The following AKAP8L variants were observed in gnomAD, a reference collection of about 807,000 sequenced individuals.
AKAP8L encodes the protein A-kinase anchor protein 8-like.
AKAP8L carries 34 observed loss-of-function variants against 77.5 expected under a neutral mutation model. That is an observed-to-expected ratio of 0.44 (90% CI 0.33 to 0.58). The LOEUF (loss-of-function observed/expected upper bound fraction) is 0.58. AKAP8L is among the 20% of genes least tolerant of loss of function. The pLI is 0.02. For missense variants in AKAP8L, 806 were observed against 887.6 expected (o/e 0.91, Z 1.17); for synonymous variants, 342 against 340.7 (o/e 1.00, Z -0.04).
intron 2 of AKAP8L, among the ~76,000 whole-genome samples, chr19:15,408,423 C>G (rs1049564656): frequency 2.0e-5 from 3 of 151,960 alleles, no homozygotes; most frequent in Admixed American, 2.0e-4. Flanking sequence ...ATTAGCCAGG[C>G]GTGGTGGCAC....
Position 15,389,758 on chromosome 19 carries a change from A to C in AKAP8L, c.1536+7392T>G, listed in dbSNP as rs574165560. Among the ~76,000 whole-genome samples, 79 of 152,324 alleles carry C rather than the reference A, an allele frequency of 5.2e-4. 2 individuals carry two copies. In the South Asian group the frequency reaches 0.016, roughly 30 times the overall value. On this transcript the variant is annotated intron_variant, in intron 12 of 13. Coordinates refer to ENST00000397410, the MANE Select transcript of AKAP8L (RefSeq NM_014371.4). The stretch of plus-strand genomic sequence containing the variant: ...TGCACTCCAGCCTGGCCACAGACCA[A>C]GACTCCGTCTCAAGAAACAAAAAAC...
chr19:15,401,291 G>C lies in AKAP8L; in HGVS notation c.675C>G (p.Asn225Lys), dbSNP rs746111947. The C allele has an allele frequency of 6.2e-7, 1 of 1,613,732 alleles. No individual in the cohort carries two copies. Among genetic ancestry groups the C allele is most frequent in the Non-Finnish European group, 8.5e-7 (1 of 1,179,898 alleles). ...GGAACATGCCGTACTCGGGGATGAT[G>C]TTCTGGGAGAAGAGGGAGGGCAGCC... ...ASRLPSLFSQNIIPEYGMFQG... is the reference protein window; with the variant it reads ...ASRLPSLFSQKIIPEYGMFQG... Residue 225 changes from asparagine (N) to lysine (K), a missense_variant, in exon 5 of 14, where the codon AAC becomes AAG. Around this residue, in one of 2 missense-constraint regions of AKAP8L, gnomAD observed 580 missense variants for 694.1 expected, o/e 0.84. Coordinates refer to ENST00000397410, the MANE Select transcript of AKAP8L (RefSeq NM_014371.4). This position sits in a 1 kb window ranked among gnomAD's most constrained non-coding sequence, Gnocchi z 6.2.
Position 15,399,287 on chromosome 19 carries a change from A to G in AKAP8L, c.1157+15T>C. 4 of 1,605,726 alleles carry G rather than the reference A, an allele frequency of 2.5e-6. No individual in the cohort carries two copies. Among genetic ancestry groups the G allele is most frequent in the Non-Finnish European group, 3.4e-6 (4 of 1,172,502 alleles). The stretch of plus-strand genomic sequence containing the variant: ...CAGCGAGGCAGAGGCAGAGGGGTGG[A>G]GGGAAGCTGGTTACCTTTCCACCAT... On this transcript the variant is annotated intron_variant, in intron 9 of 13. Coordinates refer to ENST00000397410, the MANE Select transcript of AKAP8L (RefSeq NM_014371.4). This position sits in a 1 kb window ranked among gnomAD's most constrained non-coding sequence, Gnocchi z 6.1.
chr19:15,400,690 C>T (rs967871950), intron 7 of AKAP8L, 104 bp downstream of exon 7: 65 of 1,366,538 alleles, frequency 4.8e-5, no homozygotes, highest in Non-Finnish European at 6.2e-5. Context: ...TCACCATGCA[C>T]GCAGAGCTGA....
chr19:15,403,636 G>A lies in AKAP8L; in HGVS notation c.201C>T (p.His67=). ...TGTCAGAGCTAGGCATTTCCCAAGA[G>A]TGTGAAGTGGCCATACCATACCCAT... ...TNYGYGMATS[H]SWEMPSSDTN... Residue 67 remains histidine, a synonymous_variant, in exon 4 of 14, where the codon CAC becomes CAT. Coordinates refer to ENST00000397410, the MANE Select transcript of AKAP8L (RefSeq NM_014371.4). The surrounding 1 kb of genome is among the most constrained non-coding windows in gnomAD (Gnocchi z 4.3). 2 of 1,613,958 alleles carry A rather than the reference G, an allele frequency of 1.2e-6. No homozygotes were observed. The highest frequency in any genetic ancestry group is 1.7e-6 in the Non-Finnish European group (2 of 1,179,856).
Position 15,397,162 on chromosome 19 carries a change from G to A in AKAP8L, c.1524C>T (p.Asn508=). Residue 508 remains asparagine (N), a synonymous_variant, in exon 12 of 14, where the codon AAC becomes AAT. Transcript: ENST00000397410. The surrounding 1 kb of genome is among the most constrained non-coding windows in gnomAD (Gnocchi z 4.7). ...IQKHLKTMDH[N]RNRRLMMEQS... Reference sequence around the variant, plus strand: ...TGTGGCCACTCACCCTGCGGTTCCGGTTGTGATCCATGGTCTTCAGATGCT... The same window carrying A: ...TGTGGCCACTCACCCTGCGGTTCCGATTGTGATCCATGGTCTTCAGATGCT... 6.2e-7 allele frequency: 1 copy of A among 1,613,904 alleles called. No homozygotes were observed. Among genetic ancestry groups the A allele is most frequent in the Non-Finnish European group, 8.5e-7 (1 of 1,179,892 alleles).
In AKAP8L at chr19:15,400,996, A is replaced by G. The variant is rs751790489; in HGVS notation, c.864T>C (p.Asp288=). 6.2e-7 allele frequency: 1 copy of G among 1,613,890 alleles called. No homozygotes were observed. Among genetic ancestry groups the G allele is most frequent in the South Asian group, 1.1e-5 (1 of 91,074 alleles). ...RKQGGSPDEP[D]SKATRTDCSD... ...AGCAGTCCGTGCGGGTGGCTTTGCTATCTGGCTCATCAGGACTGCCGCCCT... is the reference window on the plus strand; with the variant it reads ...AGCAGTCCGTGCGGGTGGCTTTGCTGTCTGGCTCATCAGGACTGCCGCCCT... Residue 288 remains aspartate, a synonymous_variant, in exon 6 of 14, where the codon GAT becomes GAC. Coordinates refer to ENST00000397410, the MANE Select transcript of AKAP8L (RefSeq NM_014371.4).
rs1365523968 is a variant in AKAP8L at position 15,398,796 on chromosome 19, G to A, written c.1157+506C>T. Reference sequence around the variant, plus strand: ...GGGCAGACAGACCCGACCAAGGGGCGTGAAGGGCTCAGCCGCAGACAGGCC... The same window carrying A: ...GGGCAGACAGACCCGACCAAGGGGCATGAAGGGCTCAGCCGCAGACAGGCC... On this transcript the variant is annotated intron_variant, in intron 9 of 13. Transcript: ENST00000397410. This position sits in a 1 kb window ranked among gnomAD's most constrained non-coding sequence, Gnocchi z 9.2. The A allele has an allele frequency of 9.0e-6, 9 of 1,002,722 alleles. No individual in the cohort carries two copies. Among genetic ancestry groups the A allele is most frequent in the Non-Finnish European group, 1.1e-5 (9 of 840,802 alleles). The allele number at this position is 1,002,722 out of a possible 1,614,324, so 62.1% of individuals were successfully genotyped here. A position where few individuals can be genotyped will look rare whatever the true frequency, so the allele number is the denominator to read the frequency against.
chr19:15,415,972 A>T (rs1232228402), intron 1 of AKAP8L, among the ~76,000 whole-genome samples: 13 of 151,942 alleles, frequency 8.6e-5, no homozygotes, highest in Non-Finnish European at 4.4e-5. Context: ...CTGCAGCCTC[A>T]ACCTCGCAGA....
intron 2 of AKAP8L, among the ~76,000 whole-genome samples, chr19:15,405,164 G>T (rs942038996): frequency 4.6e-5 from 7 of 152,212 alleles, no homozygotes; most frequent in African/African-American, 1.4e-4. Context: ...AGCAGCATGG[G>T]TAAGTCAGGA....
intron 1 of AKAP8L, among the ~76,000 whole-genome samples, chr19:15,416,029 G>A (rs1045515210): frequency 1.3e-5 from 2 of 151,924 alleles, no homozygotes; most frequent in Non-Finnish European, 2.9e-5. Context: ...GTCTTGCTAT[G>A]TTGCCCAGGC....
intron 1 of AKAP8L, among the ~76,000 whole-genome samples, chr19:15,416,742 T>C (rs1165232334): frequency 6.6e-6 from 1 of 152,226 alleles, no homozygotes; most frequent in Non-Finnish European, 1.5e-5. Flanking sequence ...TTCTGTGCTG[T>C]TTACCACTGC....
chr19:15,380,242 G>GGGCGGCGGCGGT lies in AKAP8L; in HGVS notation c.1809_1820dup (p.Pro605_Pro608dup). On this transcript the variant is annotated inframe_insertion, in exon 14 of 14. Transcript: ENST00000397410. ...CGGCGCCCTCCTCCTCCTCCTCTGG[G>GGGCGGCGGCGGT]GGCGGCGGCGGTGGCGGCGACACGG... 6.7e-7 allele frequency: 1 copy of GGGCGGCGGCGGT among 1,500,020 alleles called. No individual in the cohort carries two copies. Among genetic ancestry groups the GGGCGGCGGCGGT allele is most frequent in the Non-Finnish European group, 8.8e-7 (1 of 1,134,722 alleles). 92.9% of individuals were successfully genotyped at this position (1,500,020 alleles called of 1,614,324 possible). A position where few individuals can be genotyped will look rare whatever the true frequency, so the allele number is the denominator to read the frequency against.
At position 15,403,677 on chromosome 19, in the gene AKAP8L, C is replaced by T; in HGVS notation, c.160G>A (p.Asp54Asn). 6.2e-7 allele frequency: 1 copy of T among 1,608,740 alleles called. No individual in the cohort carries two copies. Among genetic ancestry groups the T allele is most frequent in the Non-Finnish European group, 8.5e-7 (1 of 1,177,390 alleles). Residue 54 changes from aspartate to asparagine, a missense_variant, in exon 4 of 14, where the codon GAT (aspartate) becomes AAT (asparagine). Physicochemically the swap from Asp to Asn is conservative, Grantham distance 23 (BLOSUM62 1). This residue lies in a region of AKAP8L where 580 missense variants were observed against 694.1 expected (regional missense o/e 0.84). Coordinates refer to ENST00000397410, the MANE Select transcript of AKAP8L (RefSeq NM_014371.4). This position sits in a 1 kb window ranked among gnomAD's most constrained non-coding sequence, Gnocchi z 4.3. ...CCATACCCATAGTTGGTGGTGTTAT[C>T]CTGGCCATAGCCATAGCCATAGCCA... ...GYGYGYGYGQDNTTNYGYGMA... is the reference protein window; with the variant it reads ...GYGYGYGYGQNNTTNYGYGMA...
intron 12 of AKAP8L, among the ~76,000 whole-genome samples, chr19:15,387,178 C>T (rs933628903): frequency 2.0e-5 from 3 of 152,306 alleles, no homozygotes; most frequent in East Asian, 3.9e-4. Flanking sequence ...AAACCAAGAC[C>T]GGAGGCTACA....
intron 1 of AKAP8L, among the ~76,000 whole-genome samples, chr19:15,415,608 C>T (rs182370584): frequency 6.6e-6 from 1 of 152,084 alleles, no homozygotes; most frequent in Admixed American, 6.5e-5. Flanking sequence ...CCCAGTCAGC[C>T]GGGCGCAGTG....
intron 1 of AKAP8L, among the ~76,000 whole-genome samples, chr19:15,411,684 G>T (rs1968107770): frequency 6.6e-6 from 1 of 152,068 alleles, no homozygotes; most frequent in South Asian, 2.1e-4. Flanking sequence ...GGGTGGCATG[G>T]TCATATGGAA....
chr19:15,409,933 G>A (rs1259965804), intron 2 of AKAP8L, among the ~76,000 whole-genome samples: 5 of 151,756 alleles, frequency 3.3e-5, no homozygotes, highest in African/African-American at 9.7e-5. Context: ...GCTTTCTCCT[G>A]GACCAATCCT....
chr19:15,405,875 T>C (rs1262362854), intron 2 of AKAP8L, among the ~76,000 whole-genome samples: 2 of 151,774 alleles, frequency 1.3e-5, no homozygotes, highest in South Asian at 2.1e-4. Context: ...CGAGCCAAGA[T>C]TGCACCACTG....
Sources: gnomAD v4.1 joint callset for allele counts (sites outside exome capture counted in the v4.1 genomes callset) on GRCh38, gnomAD v4.1.1 for gene constraint, gnomAD v4.1.1 regional missense constraint, Gnocchi (gnomAD v3.1) non-coding constraint, MANE v1.5 for transcripts, NCBI Gene and HGNC (gene_info 2026-07-23, HGNC 2026-07-21) for gene names.